Variants in DGKI observed in about 807,000 individuals in gnomAD.
The protein encoded by DGKI is diacylglycerol kinase iota, also known as DAG kinase iota.
In DGKI, 55 loss-of-function variants were observed where a neutral mutation model predicts 147.5. The ratio of observed to expected loss-of-function variants is 0.37; its 90% CI spans 0.30 to 0.47. DGKI has a LOEUF of 0.47. Among genes scored for constraint, DGKI ranks in the 20% least tolerant of loss-of-function variants. The pLI is 1.00. For missense variants in DGKI, 1,007 were observed against 1,323.8 expected (o/e 0.76, Z 3.71); for synonymous variants, 469 against 477.1 (o/e 0.98, Z 0.22).
chr7:137,715,294 A>G (rs1349620164), intron 1 of DGKI, among the ~76,000 whole-genome samples: 1 of 152,242 alleles, frequency 6.6e-6, no homozygotes. Flanking sequence ...TGTATAAGTC[A>G]CCAGCCAAGC....
chr7:137,415,805 C>A (rs910391352), intron 28 of DGKI, among the ~76,000 whole-genome samples: 43 of 152,072 alleles, frequency 2.8e-4, no homozygotes, highest in Non-Finnish European at 4.7e-4. Flanking sequence ...GATGGTGAAA[C>A]CCTGTCTCTA....
chr7:137,466,193 A>C (rs954903722), intron 25 of DGKI, among the ~76,000 whole-genome samples, 158 bp from the exon 26 acceptor site: 1 of 152,278 alleles, frequency 6.6e-6, no homozygotes, highest in Non-Finnish European at 1.5e-5. Context: ...TAACGCAGAC[A>C]GTGGGAGATA....
chr7:137,599,285 G>C (rs972061538), intron 11 of DGKI, among the ~76,000 whole-genome samples: 1 of 152,166 alleles, frequency 6.6e-6, no homozygotes, highest in African/African-American at 2.4e-5. Context: ...TGAGATTTCT[G>C]AGAAGCTCAG....
chr7:137,454,007 G>A (rs1421784647), intron 27 of DGKI, among the ~76,000 whole-genome samples: 2 of 151,324 alleles, frequency 1.3e-5, no homozygotes, highest in Admixed American at 1.3e-4. Flanking sequence ...GGGAGATATT[G>A]GTCAAAGGAC....
At chr7:137,555,498 C>G (rs1465486149) in intron 19 of DGKI, among the ~76,000 whole-genome samples, 1 of 151,856 alleles carries the variant, frequency 6.6e-6, no homozygotes, top group Non-Finnish European at 1.5e-5. Context: ...TGCACTCCAG[C>G]CTGGCAATAG....
At chr7:137,535,268 C>T (rs1563073085) in intron 20 of DGKI, among the ~76,000 whole-genome samples, 1 of 151,966 alleles carries the variant, frequency 6.6e-6, no homozygotes, top group Non-Finnish European at 1.5e-5. Flanking sequence ...TTTTAATTTT[C>T]AAAAATTTCA....
chr7:137,843,750 C>A (rs1420441441), intron 1 of DGKI, among the ~76,000 whole-genome samples: 1 of 125,566 alleles, frequency 8.0e-6, no homozygotes, highest in Admixed American at 9.4e-5. Flanking sequence ...GCAGATGAGA[C>A]CCCCCTACAC....
chr7:137,593,199 T>G (rs1194909718), intron 12 of DGKI, among the ~76,000 whole-genome samples: 1 of 152,078 alleles, frequency 6.6e-6, no homozygotes. Flanking sequence ...GACTTGCAGA[T>G]CCAGCCAAGT....
At chr7:137,753,748 C>T (rs1158306850) in intron 1 of DGKI, among the ~76,000 whole-genome samples, 2 of 152,170 alleles carry the variant, frequency 1.3e-5, no homozygotes, top group Non-Finnish European at 2.9e-5. Context: ...AGGCTACAGA[C>T]AAAGCAGAAG....
intron 1 of DGKI, among the ~76,000 whole-genome samples, chr7:137,844,283 A>AC: frequency 6.6e-6 from 1 of 152,240 alleles, no homozygotes; most frequent in Middle Eastern, 3.4e-3. Context: ...AGATGGAAGC[A>AC]CCTCCTTTTC....
At chr7:137,752,841 CAG>C (rs1181816769) in intron 1 of DGKI, among the ~76,000 whole-genome samples, 11 of 152,124 alleles carry the variant, frequency 7.2e-5, no homozygotes, top group Admixed American at 6.5e-5. Flanking sequence ...TTCTTTAACT[CAG>C]TGTCTGAGGG....
Position 137,590,787 on chromosome 7 carries a change from G to A in DGKI, c.1312-3577C>T, listed in dbSNP as rs916887674. On this transcript the variant is annotated intron_variant, in intron 12 of 32. Coordinates refer to ENST00000614521, the MANE Select transcript of DGKI (RefSeq NM_001321708.2). ...AGCTCACTGAAGCGTCTACCTCGTGGGCTCAAGCGATTCTCCAGCCTCCGC... is the reference window on the plus strand; with the variant it reads ...AGCTCACTGAAGCGTCTACCTCGTGAGCTCAAGCGATTCTCCAGCCTCCGC... Among the ~76,000 whole-genome samples the A allele has an allele frequency of 5.5e-4, 84 of 152,146 alleles. 6 individuals are homozygous for A. The highest frequency in any genetic ancestry group is 1.3e-4 in the Admixed American group (2 of 15,280).
chr7:137,448,301 A>T (rs1813792102), intron 27 of DGKI, among the ~76,000 whole-genome samples: 1 of 9,684 alleles, frequency 1.0e-4, no homozygotes, highest in South Asian at 0.015. Flanking sequence ...CTAGAAGCTC[A>T]AAAAAAAAAA....
At chr7:137,526,258 C>T (rs1008671141) in intron 20 of DGKI, among the ~76,000 whole-genome samples, 4 of 152,022 alleles carry the variant, frequency 2.6e-5, no homozygotes, top group African/African-American at 9.7e-5. Context: ...ACATCTGCCA[C>T]AAGATACTGC....
At chr7:137,453,929 T>G (rs933294584) in intron 27 of DGKI, among the ~76,000 whole-genome samples, 2 of 151,960 alleles carry the variant, frequency 1.3e-5, no homozygotes, top group Non-Finnish European at 2.9e-5. Flanking sequence ...ATCTTGTTTT[T>G]TTTTTTTTTA....
At chr7:137,759,498 C>G (rs749516070) in intron 1 of DGKI, among the ~76,000 whole-genome samples, 1 of 151,952 alleles carries the variant, frequency 6.6e-6, no homozygotes, top group Non-Finnish European at 1.5e-5. Flanking sequence ...CCTGCCACCA[C>G]GCCTGGCTAA....
rs115622080 is a variant in DGKI, at chr7:137,791,102, T to C, written c.401+55360A>G. 3.2e-3 allele frequency among the ~76,000 whole-genome samples: 487 copies of C among 152,252 alleles called. 3 individuals are homozygous for C. The highest frequency in any genetic ancestry group is 0.011 in the African/African-American group (463 of 41,546). The stretch of plus-strand genomic sequence containing the variant: ...GACAAGCACCACATCTCAGTAACTC[T>C]CACCTCAGTACTCACAAACCTCCTC... On this transcript the variant is annotated intron_variant, in intron 1 of 32. Coordinates refer to ENST00000614521, the MANE Select transcript of DGKI (RefSeq NM_001321708.2).
rs148988377 is a variant in DGKI at position 137,421,198 on chromosome 7, C to A, written c.2762-8991G>T. The stretch of plus-strand genomic sequence containing the variant: ...GGTGCAGAGCACACATCTCACATGG[C>A]TACCTTCTCATCATCCCTGGGATTA... On this transcript the variant is annotated intron_variant, in intron 28 of 32. Transcript: ENST00000614521. Among the ~76,000 whole-genome samples the A allele has an allele frequency of 3.6e-3, 541 of 152,276 alleles. 3 individuals carry two copies. The highest frequency in any genetic ancestry group is 0.011 in the African/African-American group (459 of 41,540).
chr7:137,684,169 A>T (rs138121046), intron 2 of DGKI, among the ~76,000 whole-genome samples: 1 of 152,178 alleles, frequency 6.6e-6, no homozygotes, highest in Non-Finnish European at 1.5e-5. Flanking sequence ...ATAACACACC[A>T]TGTTGGATGT....
Sources: allele counts gnomAD v4.1 joint callset (sites outside exome capture counted in the v4.1 genomes callset), GRCh38; gene constraint gnomAD v4.1.1; transcripts MANE v1.5; gene names NCBI Gene and HGNC (gene_info 2026-07-23, HGNC 2026-07-21).